The following CCBE1 variants were observed in gnomAD, a reference collection of about 807,000 sequenced individuals.
The protein encoded by CCBE1 is collagen and calcium-binding EGF domain-containing protein 1.
In CCBE1, 37 loss-of-function variants were observed where a neutral mutation model predicts 50.0. That is an observed-to-expected ratio of 0.74 (90% CI 0.57 to 0.97). The LOEUF is 0.97. CCBE1 is among the 50% of genes least tolerant of loss of function. The pLI, the probability that CCBE1 is intolerant of heterozygous loss-of-function variation, is 0.00. For synonymous variants in CCBE1, 234 were observed against 203.7 expected (o/e 1.15, Z -1.27); for missense variants, 538 against 523.8 (o/e 1.03, Z -0.26).
intron 2 of CCBE1, among the ~76,000 whole-genome samples, chr18:59,602,842 G>A (rs150954432): frequency 3.9e-5 from 6 of 152,310 alleles, no homozygotes; most frequent in Admixed American, 6.5e-5. Flanking sequence ...TAAAGATGGC[G>A]CAGCCTAATG....
chr18:59,576,294 G>C (rs531170501), intron 2 of CCBE1, among the ~76,000 whole-genome samples: 1 of 152,326 alleles, frequency 6.6e-6, no homozygotes, highest in East Asian at 1.9e-4. Flanking sequence ...CTCAAGAACA[G>C]AGCTGCCAGG....
At chr18:59,687,737 G>A (rs1486194382) in intron 2 of CCBE1, among the ~76,000 whole-genome samples, 1 of 152,204 alleles carries the variant, frequency 6.6e-6, no homozygotes, top group African/African-American at 2.4e-5. Context: ...GCCGAGATGG[G>A]TGGATCACCT....
chr18:59,651,764 C>A (rs1448392425), intron 2 of CCBE1, among the ~76,000 whole-genome samples: 1 of 152,176 alleles, frequency 6.6e-6, no homozygotes, highest in Non-Finnish European at 1.5e-5. Flanking sequence ...TGGGCCCCAC[C>A]TTGTAGTTCA....
chr18:59,697,156 G>C, intron 1 of CCBE1, 56 bp downstream of exon 1: 4 of 1,545,364 alleles, frequency 2.6e-6, no homozygotes, highest in Non-Finnish European at 3.5e-6. Context: ...CGCACCCCGC[G>C]AGCCGGGCGC....
At chr18:59,468,196 C>A (rs576055481) in intron 4 of CCBE1, among the ~76,000 whole-genome samples, 1 of 152,144 alleles carries the variant, frequency 6.6e-6, no homozygotes, top group Non-Finnish European at 1.5e-5. Context: ...CCAGACTGAG[C>A]AACATAGTAA....
At chr18:59,508,821 A>G (rs1914004676) in intron 2 of CCBE1, among the ~76,000 whole-genome samples, 1 of 150,222 alleles carries the variant, frequency 6.7e-6, no homozygotes, top group South Asian at 2.1e-4. Flanking sequence ...GGATCAAGCA[A>G]TCCTCTCACC....
At chr18:59,509,337 T>C (rs1914029099) in intron 2 of CCBE1, among the ~76,000 whole-genome samples, 1 of 152,142 alleles carries the variant, frequency 6.6e-6, no homozygotes, top group Non-Finnish European at 1.5e-5. Flanking sequence ...AATATATATA[T>C]ATACACACAC....
At chr18:59,567,405 A>G (rs753973259) in intron 2 of CCBE1, among the ~76,000 whole-genome samples, 5 of 152,234 alleles carry the variant, frequency 3.3e-5, no homozygotes, top group Admixed American at 1.3e-4. Flanking sequence ...AAGTGTTGGG[A>G]TTACAGGCGT....
intron 2 of CCBE1, among the ~76,000 whole-genome samples, chr18:59,565,341 G>C (rs1345300204): frequency 6.6e-6 from 1 of 152,232 alleles, no homozygotes. Flanking sequence ...GGGGATCAAG[G>C]TCTGGCCCTC....
chr18:59,492,543 T>C (rs564920596), intron 2 of CCBE1, among the ~76,000 whole-genome samples: 1 of 152,168 alleles, frequency 6.6e-6, no homozygotes, highest in South Asian at 2.1e-4. Context: ...TCCTTCCCCT[T>C]CTCCTTCCCA....
At chr18:59,504,379 TCTTC>T (rs1350607208) in intron 2 of CCBE1, among the ~76,000 whole-genome samples, 1 of 122,454 alleles carries the variant, frequency 8.2e-6, no homozygotes, top group Non-Finnish European at 1.6e-5. Flanking sequence ...TCCTAGAATG[TCTTC>T]CTTTTTTTTT....
intron 7 of CCBE1, among the ~76,000 whole-genome samples, chr18:59,446,582 A>G (rs113716585): frequency 8.0e-5 from 12 of 149,660 alleles, no homozygotes; most frequent in South Asian, 4.2e-4. Context: ...AGTTTAAGAC[A>G]TAAGTGGAGA....
chr18:59,643,511 T>C (rs919027757), intron 2 of CCBE1, among the ~76,000 whole-genome samples: 13 of 152,056 alleles, frequency 8.5e-5, no homozygotes, highest in Non-Finnish European at 1.8e-4. Context: ...GTTGAACAAG[T>C]TTCTAGGCCA....
At chr18:59,590,372 G>A (rs758322648) in intron 2 of CCBE1, among the ~76,000 whole-genome samples, 1 of 152,050 alleles carries the variant, frequency 6.6e-6, no homozygotes, top group Non-Finnish European at 1.5e-5. Flanking sequence ...ACTCTTGAAC[G>A]GCAAAAAGGT....
intron 2 of CCBE1, chr18:59,696,369 C>T (rs2054803787): frequency 3.5e-6 from 3 of 850,046 alleles, no homozygotes; most frequent in Non-Finnish European, 5.1e-6. Flanking sequence ...CAGACTTCCA[C>T]ACAAGTATTT....
intron 2 of CCBE1, chr18:59,665,983 G>A (rs144486356): frequency 1.3e-5 from 2 of 152,292 alleles, no homozygotes; most frequent in Non-Finnish European, 2.9e-5. Flanking sequence ...GTCTACCCAC[G>A]GACAGATTCT....
At chr18:59,630,015 T>G (rs966387560) in intron 2 of CCBE1, among the ~76,000 whole-genome samples, 2 of 152,244 alleles carry the variant, frequency 1.3e-5, no homozygotes, top group Non-Finnish European at 2.9e-5. Flanking sequence ...GAGCCTACTT[T>G]CTATTTTGCA....
intron 2 of CCBE1, among the ~76,000 whole-genome samples, chr18:59,550,876 G>T (rs1410122326): frequency 6.6e-6 from 1 of 151,318 alleles, no homozygotes; most frequent in Admixed American, 6.6e-5. Flanking sequence ...GTGGTGGTGG[G>T]CGGCTGTAGT....
intron 2 of CCBE1, among the ~76,000 whole-genome samples, chr18:59,580,647 C>T (rs1211319534): frequency 6.6e-6 from 1 of 152,204 alleles, no homozygotes; most frequent in Admixed American, 6.5e-5. Flanking sequence ...AAATGTAAAG[C>T]GACTTGCCCA....
Sources: allele counts gnomAD v4.1 joint callset (sites outside exome capture counted in the v4.1 genomes callset), GRCh38; gene constraint gnomAD v4.1.1; transcripts MANE v1.5; gene names NCBI Gene and HGNC (gene_info 2026-07-23, HGNC 2026-07-21).